Variants in ZNF571 observed in about 807,000 individuals in gnomAD.
ZNF571 encodes zinc finger protein 571.
Under a neutral mutation model 7.7 loss-of-function variants are expected in ZNF571, and 4 were observed. That is an observed-to-expected ratio of 0.52 (90% CI 0.25 to 1.18). ZNF571 has a LOEUF of 1.18. ZNF571 is among the 50% of genes most tolerant of loss of function. The pLI is 0.14. For missense variants in ZNF571, 704 were observed against 726.9 expected (o/e 0.97, Z 0.36); for synonymous variants, 251 against 232.4 (o/e 1.08, Z -0.73).
chr19:37,586,559 G>T, intron 2 of ZNF571, 109 bp downstream of exon 2: 1 of 1,254,438 alleles, frequency 8.0e-7, no homozygotes, highest in Non-Finnish European at 1.2e-6. Context: ...ACGTTTGGAA[G>T]CAGTTCCCTT....
chr19:37,582,487 G>A (rs2043506282), intron 3 of ZNF571, among the ~76,000 whole-genome samples: 1 of 152,092 alleles, frequency 6.6e-6, no homozygotes, highest in Non-Finnish European at 1.5e-5. Context: ...TTCAGTCCTT[G>A]AGCTGTACCT....
intron 3 of ZNF571, chr19:37,575,560 T>C (rs555536828): frequency 6.6e-6 from 1 of 152,386 alleles, no homozygotes; most frequent in South Asian, 2.1e-4. Context: ...GCTTGAGATG[T>C]GTCCCACTTC....
rs2042851590 is a variant in ZNF571 at position 37,566,181 on chromosome 19, A to T, written c.247T>A (p.Tyr83Asn). 1 of 1,613,970 alleles carries T rather than the reference A, an allele frequency of 6.2e-7. No homozygotes were observed. The highest frequency in any genetic ancestry group is 2.2e-5 in the East Asian group (1 of 44,870). ...MGKRINHHLQYNGLGDNMECK... is the reference protein window; with the variant it reads ...MGKRINHHLQNNGLGDNMECK... Reference sequence around the variant, plus strand: ...TCCATATTGTCTCCAAGACCATTGTATTGAAGGTGATGGTTGATACGTTTC... The same window carrying T: ...TCCATATTGTCTCCAAGACCATTGTTTTGAAGGTGATGGTTGATACGTTTC... Residue 83 changes from tyrosine (Y) to asparagine (N), a missense_variant, in exon 4 of 4, where the codon TAC becomes AAC. Coordinates refer to ENST00000451802, the MANE Select transcript of ZNF571 (RefSeq NM_016536.5).
At chr19:37,576,067 G>A (rs897728149) in intron 3 of ZNF571, among the ~76,000 whole-genome samples, 6 of 149,468 alleles carry the variant, frequency 4.0e-5, no homozygotes, top group African/African-American at 1.5e-4. Context: ...ACACACACAA[G>A]TTCATCTAGA....
intron 3 of ZNF571, among the ~76,000 whole-genome samples, chr19:37,578,752 C>G (rs1234751984): frequency 6.6e-6 from 1 of 152,050 alleles, no homozygotes; most frequent in African/African-American, 2.4e-5. Flanking sequence ...GACCATGCAA[C>G]CCCTGCCCTA....
In ZNF571 at chr19:37,566,037, T is replaced by G; in HGVS notation, c.391A>C (p.Ile131Leu). 5 of 1,614,110 alleles carry G rather than the reference T, an allele frequency of 3.1e-6. No homozygotes were observed. The highest frequency in any genetic ancestry group is 4.2e-6 in the Non-Finnish European group (5 of 1,179,946). The change falls in exon 4 of 4, where the codon ATA becomes CTA. Residue 131 changes from isoleucine (I) to leucine (L), a missense_variant. Ile to Leu is a conservative substitution (Grantham distance 5). Coordinates refer to ENST00000451802, the MANE Select transcript of ZNF571 (RefSeq NM_016536.5). ...SHSTSSTFHRIIPTKEKLYKC... is the reference protein window; with the variant it reads ...SHSTSSTFHRLIPTKEKLYKC... Reference sequence around the variant, plus strand: ...TACAATTTTTCCTTGGTAGGAATTATCCGATGAAAAGTAGAAGAGGTTGAA... The same window carrying G: ...TACAATTTTTCCTTGGTAGGAATTAGCCGATGAAAAGTAGAAGAGGTTGAA...
At position 37,565,574 on chromosome 19, in the gene ZNF571, C is replaced by A. The variant is rs752049399; in HGVS notation, c.854G>T (p.Gly285Val). 9.3e-6 allele frequency: 15 copies of A among 1,613,490 alleles called. No individual in the cohort carries two copies. The highest frequency in any genetic ancestry group is 1.3e-5 in the African/African-American group (1 of 74,882). ...TTGAGAGCCAAGAATAAAGGCCTTC[C>A]CACAATCCTTACATTCATAGGGTTT... Reference protein sequence around the residue: ...GEKPYECKDCGKAFILGSQLT... With the variant: ...GEKPYECKDCVKAFILGSQLT... Residue 285 changes from glycine (G) to valine (V), a missense_variant, in exon 4 of 4, where the codon GGG becomes GTG. Physicochemically the swap from Gly to Val is moderately radical, Grantham distance 109. Coordinates refer to ENST00000451802, the MANE Select transcript of ZNF571 (RefSeq NM_016536.5).
Position 37,565,630 on chromosome 19 carries a change from A to G in ZNF571, c.798T>C (p.Tyr266=). 1.2e-6 allele frequency: 2 copies of G among 1,613,492 alleles called. No homozygotes were observed. Among genetic ancestry groups the G allele is most frequent in the Non-Finnish European group, 1.7e-6 (2 of 1,179,792 alleles). ...CGKAFSYCSQ[Y]TLHQRIHSGE... is the part of the protein sequence containing the mutation. The stretch of plus-strand genomic sequence containing the variant: ...CACTATGAATTCTCTGATGAAGAGT[A>G]TATTGTGAACAATAACTAAAGGCTT... Residue 266 remains tyrosine, a synonymous_variant, in exon 4 of 4, where the codon TAT becomes TAC. Coordinates refer to ENST00000451802, the MANE Select transcript of ZNF571 (RefSeq NM_016536.5).
At chr19:37,572,113 T>G (rs1022066913) in intron 3 of ZNF571, among the ~76,000 whole-genome samples, 1 of 152,164 alleles carries the variant, frequency 6.6e-6, no homozygotes, top group East Asian at 1.9e-4. Flanking sequence ...GAGAAAATAC[T>G]CTCATATTTA....
intron 3 of ZNF571, among the ~76,000 whole-genome samples, chr19:37,573,833 A>C (rs76377716): frequency 7.3e-6 from 1 of 137,430 alleles, no homozygotes; most frequent in South Asian, 2.2e-4. Context: ...ATCCTGTTTC[A>C]AAAAAAAAAA....
At chr19:37,574,294 C>T (rs1467127601) in intron 3 of ZNF571, among the ~76,000 whole-genome samples, 2 of 152,122 alleles carry the variant, frequency 1.3e-5, no homozygotes, top group Non-Finnish European at 2.9e-5. Flanking sequence ...TAAGAGCTGT[C>T]TATAGTACTC....
Position 37,565,880 on chromosome 19 carries a change from A to G in ZNF571, c.548T>C (p.Ile183Thr). The change falls in exon 4 of 4, where the codon ATT becomes ACT. Residue 183 changes from isoleucine (I) to threonine (T), a missense_variant. Coordinates refer to ENST00000451802, the MANE Select transcript of ZNF571 (RefSeq NM_016536.5). The part of the protein sequence containing the change: ...RNTFSKKPSY[I>T]QHQRIQTGEK... The stretch of plus-strand genomic sequence containing the variant: ...ACCAGTCTGAATTCTCTGATGTTGA[A>G]TATAGCTTGGCTTTTTGCTAAAGGT... 6.2e-7 allele frequency: 1 copy of G among 1,613,912 alleles called. No individual in the cohort carries two copies.
chr19:37,581,187 C>A (rs1202819203), intron 3 of ZNF571, among the ~76,000 whole-genome samples: 1 of 152,266 alleles, frequency 6.6e-6, no homozygotes, highest in African/African-American at 2.4e-5. Flanking sequence ...AATAATAGGA[C>A]AATTTATTTA....
intron 3 of ZNF571, among the ~76,000 whole-genome samples, chr19:37,582,674 TC>T (rs1162487548): frequency 2.0e-5 from 3 of 152,202 alleles, no homozygotes; most frequent in Non-Finnish European, 4.4e-5. Context: ...ACTCTTGACT[TC>T]CTTCTCCAGC....
intron 3 of ZNF571, among the ~76,000 whole-genome samples, chr19:37,581,584 T>C (rs1381334570): frequency 2.0e-5 from 3 of 151,568 alleles, no homozygotes; most frequent in Non-Finnish European, 4.4e-5. Context: ...CCCAACTCAG[T>C]CTCCCAAGTA....
intron 3 of ZNF571, 148 bp downstream of exon 3, chr19:37,583,823 A>C: frequency 5.5e-6 from 4 of 724,010 alleles, no homozygotes; most frequent in African/African-American, 1.8e-5. Flanking sequence ...CTAAAGGATA[A>C]GAGATAAAAA....
Position 37,565,676 on chromosome 19 carries a change from T to TA in ZNF571, c.751dup (p.Tyr251LeufsTer2). On this transcript the variant is annotated frameshift_variant, in exon 4 of 4. Coordinates refer to ENST00000451802, the MANE Select transcript of ZNF571 (RefSeq NM_016536.5). LOFTEE classifies it low-confidence loss of function (END_TRUNC). Reference sequence around the variant, plus strand: ...GGCTTTTCCACATTTCTTACATTCATATGGTTTCTCTCCTGTATGAACTCT... The same window carrying TA: ...GGCTTTTCCACATTTCTTACATTCATAATGGTTTCTCTCCTGTATGAACTCT... 4 of 1,613,714 alleles carry TA rather than the reference T, an allele frequency of 2.5e-6. No homozygotes were observed. The highest frequency in any genetic ancestry group is 2.5e-6 in the Non-Finnish European group (3 of 1,179,856).
intron 3 of ZNF571, 97 bp downstream of exon 3, chr19:37,583,874 G>C (rs1032324050): frequency 1.0e-5 from 13 of 1,301,870 alleles, no homozygotes; most frequent in Non-Finnish European, 1.4e-5. Context: ...CTACTCAAAC[G>C]TAAGCCTTTC....
At chr19:37,574,075 C>T (rs1413552451) in intron 3 of ZNF571, among the ~76,000 whole-genome samples, 1 of 152,114 alleles carries the variant, frequency 6.6e-6, no homozygotes, top group African/African-American at 2.4e-5. Context: ...GCTCTGGATC[C>T]ATTATTCGTA....
Sources: allele counts gnomAD v4.1 joint callset (sites outside exome capture counted in the v4.1 genomes callset), GRCh38; gene constraint gnomAD v4.1.1; transcripts MANE v1.5; gene names NCBI Gene and HGNC (gene_info 2026-07-23, HGNC 2026-07-21).